Variants in ATG5 observed in about 807,000 individuals in gnomAD.
The protein encoded by ATG5 is autophagy protein 5.
In ATG5, 14 loss-of-function variants were observed where a neutral mutation model predicts 36.5. The ratio of observed to expected loss-of-function variants is 0.38; its 90% CI spans 0.25 to 0.60. The LOEUF is 0.60. Among genes scored for constraint, ATG5 ranks in the 20% least tolerant of loss-of-function variants. The pLI, the probability that ATG5 is intolerant of heterozygous loss-of-function variation, is 0.60. For missense variants in ATG5, 195 were observed against 326.7 expected, an observed-to-expected ratio of 0.60 and a Z score of 3.11; for synonymous variants, 95 against 101.5, an observed-to-expected ratio of 0.94 and a Z score of 0.38.
Position 106,263,401 on chromosome 6 carries a change from G to A in ATG5, c.479-15157C>T, listed in dbSNP as rs766306451. Reference sequence around the variant, plus strand: ...GGACACAGCACCTGGGGGAAGGGGCGGCTGTGGGTGCAGCTCCAGCGGATT... The same window carrying A: ...GGACACAGCACCTGGGGGAAGGGGCAGCTGTGGGTGCAGCTCCAGCGGATT... On this transcript the variant is annotated intron_variant, in intron 5 of 7. Transcript: ENST00000369076. Among the ~76,000 whole-genome samples the A allele has an allele frequency of 5.7e-4, 87 of 152,294 alleles. 1 individual carries two copies. Among genetic ancestry groups the A allele is most frequent in the African/African-American group, 1.5e-3 (64 of 41,562 alleles).
intron 7 of ATG5, among the ~76,000 whole-genome samples, chr6:106,200,185 T>C (rs75555184): frequency 0.086 from 13,038 of 152,248 alleles, 591 homozygotes; most frequent in South Asian, 0.13. Flanking sequence ...TTGGGCTCCA[T>C]ATTCTTTGCT....
intron 3 of ATG5, among the ~76,000 whole-genome samples, chr6:106,297,452 T>C (rs1160204965): frequency 6.6e-6 from 1 of 152,130 alleles, no homozygotes; most frequent in Non-Finnish European, 1.5e-5. Flanking sequence ...ATAGATTTCT[T>C]CAAGTATTAT....
In ATG5 at chr6:106,302,061, C is replaced by T. The variant is rs146565553; in HGVS notation, c.236+6303G>A. Among the ~76,000 whole-genome samples the T allele has an allele frequency of 3.8e-4, 58 of 151,982 alleles. No individual in the cohort carries two copies. In the South Asian group the frequency reaches 4.2e-3, roughly 11 times the overall value. On this transcript the variant is annotated intron_variant, in intron 3 of 7. Coordinates refer to ENST00000369076, the MANE Select transcript of ATG5 (RefSeq NM_004849.4). ...ATGACAAGAATATAGGAAGTACACA[C>T]GTAGTGTAGAGATGGCACAAACGTA...
chr6:106,232,340 T>G (rs919160344), intron 6 of ATG5, among the ~76,000 whole-genome samples: 4 of 152,138 alleles, frequency 2.6e-5, no homozygotes, highest in African/African-American at 9.7e-5. Context: ...ACTGGGGAAC[T>G]TCACTCTTTT....
intron 6 of ATG5, among the ~76,000 whole-genome samples, chr6:106,231,135 A>G (rs1163955435): frequency 1.3e-5 from 2 of 152,102 alleles, no homozygotes; most frequent in African/African-American, 4.8e-5. Context: ...GTGGGAGGAG[A>G]ATTCGGCCCA....
chr6:106,247,375 T>C (rs1778381783), intron 6 of ATG5, among the ~76,000 whole-genome samples: 1 of 152,228 alleles, frequency 6.6e-6, no homozygotes, highest in Non-Finnish European at 1.5e-5. Context: ...ACTTTTAAAG[T>C]ACAGAAACAT....
At chr6:106,258,812 G>A (rs1008649471) in intron 5 of ATG5, among the ~76,000 whole-genome samples, 1 of 152,110 alleles carries the variant, frequency 6.6e-6, no homozygotes, top group Non-Finnish European at 1.5e-5. Context: ...AAATTCCAGG[G>A]TTCTATGCTT....
chr6:106,304,556 G>C (rs1053341541), intron 3 of ATG5, among the ~76,000 whole-genome samples: 2 of 152,044 alleles, frequency 1.3e-5, no homozygotes, highest in Non-Finnish European at 2.9e-5. Context: ...AACATTACTC[G>C]AGGTAAAATT....
intron 6 of ATG5, among the ~76,000 whole-genome samples, chr6:106,227,246 C>T (rs1423119800): frequency 6.6e-6 from 1 of 152,136 alleles, no homozygotes; most frequent in Non-Finnish European, 1.5e-5. Context: ...AATTTCTCAT[C>T]AGAAATGATG....
chr6:106,228,934 A>AG (rs1490633683), intron 6 of ATG5, among the ~76,000 whole-genome samples: 1 of 152,228 alleles, frequency 6.6e-6, no homozygotes, highest in Non-Finnish European at 1.5e-5. Context: ...GGCTGACTAG[A>AG]GGCAGAAAGC....
intron 6 of ATG5, among the ~76,000 whole-genome samples, chr6:106,220,058 C>G (rs1408416650): frequency 2.0e-5 from 3 of 152,064 alleles, no homozygotes; most frequent in Non-Finnish European, 4.4e-5. Context: ...GAAGTACATA[C>G]TGTTGAAGAC....
At chr6:106,256,096 A>T (rs577124495) in intron 5 of ATG5, among the ~76,000 whole-genome samples, 2 of 152,338 alleles carry the variant, frequency 1.3e-5, no homozygotes, top group South Asian at 4.1e-4. Flanking sequence ...AAATATTTTA[A>T]TTTTTGAAAG....
At chr6:106,189,000 CTT>C (rs921103028) in intron 7 of ATG5, among the ~76,000 whole-genome samples, 2 of 152,172 alleles carry the variant, frequency 1.3e-5, no homozygotes, top group African/African-American at 4.8e-5. Flanking sequence ...AAGTTTCTCT[CTT>C]ATTTGTTACT....
At chr6:106,254,551 T>C (rs906021297) in intron 5 of ATG5, among the ~76,000 whole-genome samples, 2 of 152,180 alleles carry the variant, frequency 1.3e-5, no homozygotes, top group Non-Finnish European at 2.9e-5. Context: ...AAGTGTGGCA[T>C]AGTGGAAAAA....
chr6:106,284,744 T>C (rs904851614), intron 4 of ATG5, among the ~76,000 whole-genome samples: 2 of 151,692 alleles, frequency 1.3e-5, no homozygotes, highest in African/African-American at 4.8e-5. Context: ...TTTTTTTGCT[T>C]TTCCCTAAAA....
At chr6:106,306,898 T>C (rs1449554614) in intron 3 of ATG5, among the ~76,000 whole-genome samples, 1 of 152,126 alleles carries the variant, frequency 6.6e-6, no homozygotes, top group African/African-American at 2.4e-5. Flanking sequence ...CTGCGTGAGG[T>C]CTAGAACTAC....
intron 6 of ATG5, among the ~76,000 whole-genome samples, chr6:106,211,137 CTG>C (rs1776836274): frequency 6.6e-6 from 1 of 152,094 alleles, no homozygotes; most frequent in African/African-American, 2.4e-5. Context: ...GGCTCACTGA[CTG>C]TGGAGTCAAT....
intron 3 of ATG5, 73 bp downstream of exon 3, chr6:106,308,291 T>A (rs1212339770): frequency 7.6e-7 from 1 of 1,314,876 alleles, no homozygotes; most frequent in African/African-American, 1.5e-5. Flanking sequence ...TTTTTTACAA[T>A]TGTTTCAGGG....
intron 5 of ATG5, among the ~76,000 whole-genome samples, chr6:106,259,242 T>C (rs1160759657): frequency 1.3e-5 from 2 of 152,190 alleles, no homozygotes; most frequent in Non-Finnish European, 2.9e-5. Context: ...TTACCTATAA[T>C]TGGCTTATTG....
Sources: allele counts gnomAD v4.1 joint callset (sites outside exome capture counted in the v4.1 genomes callset), GRCh38; gene constraint gnomAD v4.1.1; transcripts MANE v1.5; gene names NCBI Gene and HGNC (gene_info 2026-07-23, HGNC 2026-07-21).